The following NOL4 variants were observed in gnomAD, a reference collection of about 807,000 sequenced individuals.
NOL4 encodes the protein cancer/testis antigen 125.
Under a neutral mutation model 75.9 loss-of-function variants are expected in NOL4, and 17 were observed. That is an observed-to-expected ratio of 0.22 (90% CI 0.15 to 0.34). NOL4 has a LOEUF of 0.34. Among genes scored for constraint, NOL4 ranks in the 10% least tolerant of loss-of-function variants. NOL4 has a pLI of 1.00. For synonymous variants in NOL4, 292 were observed against 289.9 expected (o/e 1.01, Z -0.07); for missense variants, 614 against 793.5 (o/e 0.77, Z 2.72).
intron 10 of NOL4, among the ~76,000 whole-genome samples, chr18:33,875,197 C>G (rs1230432126): frequency 6.6e-6 from 1 of 151,950 alleles, no homozygotes; most frequent in East Asian, 1.9e-4. Flanking sequence ...ACTACAATTG[C>G]CCTCTTTAGA....
At chr18:34,190,929 A>C (rs1032963485) in intron 1 of NOL4, among the ~76,000 whole-genome samples, 1 of 152,202 alleles carries the variant, frequency 6.6e-6, no homozygotes, top group African/African-American at 2.4e-5. Flanking sequence ...ACATATTACA[A>C]AAATATTCTG....
At chr18:33,989,191 A>C (rs1229305693) in intron 6 of NOL4, among the ~76,000 whole-genome samples, 1 of 11,454 alleles carries the variant, frequency 8.7e-5, no homozygotes, top group East Asian at 3.5e-3. Context: ...CCATCTCTAC[A>C]AAAAAAAAAA....
rs576478265 is a variant in NOL4 at position 33,923,214 on chromosome 18, C to A, written c.1542+19851G>T. Reference sequence around the variant, plus strand: ...TGTCTTCCTTTCTTGATGTCTATTTCATAATGTCATAAGGTCATGATTTAG... The same window carrying A: ...TGTCTTCCTTTCTTGATGTCTATTTAATAATGTCATAAGGTCATGATTTAG... On this transcript the variant is annotated intron_variant, in intron 9 of 10. Coordinates refer to ENST00000261592, the MANE Select transcript of NOL4 (RefSeq NM_003787.5). Among the ~76,000 whole-genome samples the A allele has an allele frequency of 8.5e-5, 13 of 152,110 alleles. No homozygotes were observed. The South Asian group carries it at 2.7e-3, about 32-fold the overall frequency.
At chr18:34,149,131 T>C (rs1600727621) in intron 1 of NOL4, among the ~76,000 whole-genome samples, 1 of 151,756 alleles carries the variant, frequency 6.6e-6, no homozygotes, top group African/African-American at 2.4e-5. Context: ...CATTGTGTGA[T>C]AGAGCAGTAA....
chr18:34,079,460 C>G (rs1459110879), intron 5 of NOL4, among the ~76,000 whole-genome samples: 4 of 151,872 alleles, frequency 2.6e-5, no homozygotes, highest in Non-Finnish European at 5.9e-5. Context: ...GTGTAAGTAC[C>G]TAAATACCCC....
At chr18:33,990,527 T>C (rs1600169823) in intron 6 of NOL4, among the ~76,000 whole-genome samples, 1 of 152,014 alleles carries the variant, frequency 6.6e-6, no homozygotes, top group East Asian at 1.9e-4. Flanking sequence ...TTATACTGCA[T>C]GGTTGTCCAA....
intron 1 of NOL4, among the ~76,000 whole-genome samples, chr18:34,167,880 A>G (rs531342037): frequency 6.6e-6 from 1 of 152,132 alleles, no homozygotes; most frequent in South Asian, 2.1e-4. Flanking sequence ...GAGGGAAAGG[A>G]ATAATATAAA....
intron 6 of NOL4, among the ~76,000 whole-genome samples, chr18:33,974,604 T>A (rs952294509): frequency 6.6e-6 from 1 of 152,122 alleles, no homozygotes; most frequent in African/African-American, 2.4e-5. Flanking sequence ...TCACTGATCA[T>A]AGATCACAGT....
intron 5 of NOL4, among the ~76,000 whole-genome samples, chr18:34,083,047 G>A (rs1296445316): frequency 1.3e-5 from 2 of 152,154 alleles, no homozygotes; most frequent in Admixed American, 1.3e-4. Context: ...AAAAGTGATT[G>A]AGTGGAAATT....
chr18:33,874,098 G>A (rs1356496946), intron 10 of NOL4, among the ~76,000 whole-genome samples: 2 of 151,878 alleles, frequency 1.3e-5, no homozygotes, highest in Non-Finnish European at 2.9e-5. Context: ...GAAACTTAGG[G>A]GAAAGATTGG....
intron 9 of NOL4, among the ~76,000 whole-genome samples, chr18:33,889,448 T>C (rs2064967372): frequency 6.6e-6 from 1 of 152,136 alleles, no homozygotes; most frequent in South Asian, 2.1e-4. Flanking sequence ...GTAGGAATTC[T>C]ACCAGAGGTA....
chr18:34,201,295 T>G (rs534585269), intron 1 of NOL4, among the ~76,000 whole-genome samples: 2 of 151,804 alleles, frequency 1.3e-5, no homozygotes, highest in Admixed American at 6.6e-5. Context: ...TCCCATGAAG[T>G]AAGTACCATC....
At chr18:34,123,052 TA>T (rs1303796128) in intron 2 of NOL4, among the ~76,000 whole-genome samples, 4 of 151,648 alleles carry the variant, frequency 2.6e-5, no homozygotes, top group African/African-American at 9.7e-5. Context: ...TAATTTAATA[TA>T]AAAATTATTG....
intron 1 of NOL4, among the ~76,000 whole-genome samples, chr18:34,211,162 T>C (rs925063677): frequency 3.3e-5 from 5 of 152,110 alleles, no homozygotes; most frequent in African/African-American, 1.2e-4. Context: ...CCTCCTTTAA[T>C]AGGTAGTTCA....
intron 9 of NOL4, among the ~76,000 whole-genome samples, chr18:33,932,852 G>A (rs1568083747): frequency 6.6e-6 from 1 of 152,004 alleles, no homozygotes; most frequent in Non-Finnish European, 1.5e-5. Context: ...AATTATAAAA[G>A]AAAGGCTTGC....
rs543407665 is a variant in NOL4 at position 34,102,545 on chromosome 18, G to C, written c.639+1502C>G. 4.7e-4 allele frequency among the ~76,000 whole-genome samples: 71 copies of C among 152,096 alleles called. 1 individual carries two copies. Among genetic ancestry groups the C allele is most frequent in the African/African-American group, 1.6e-3 (67 of 41,546 alleles). ...TAGTATTTTCAAAATGTAAGGATAA[G>C]AGTTATTTTTCTAATCTAGTTATAA... On this transcript the variant is annotated intron_variant, in intron 4 of 10. Coordinates refer to ENST00000261592, the MANE Select transcript of NOL4 (RefSeq NM_003787.5).
chr18:34,036,290 T>A (rs1318104571), intron 5 of NOL4, among the ~76,000 whole-genome samples: 1 of 152,082 alleles, frequency 6.6e-6, no homozygotes, highest in Non-Finnish European at 1.5e-5. Context: ...AGATGAGATT[T>A]ATACCAGGGA....
At chr18:34,213,158 T>C (rs999735903) in intron 1 of NOL4, among the ~76,000 whole-genome samples, 18 of 152,150 alleles carry the variant, frequency 1.2e-4, no homozygotes, top group Admixed American at 6.5e-4. Flanking sequence ...AGGCATATGG[T>C]TATTGCCAGG....
chr18:34,008,305 T>C (rs146664076), intron 6 of NOL4, among the ~76,000 whole-genome samples: 162 of 152,060 alleles, frequency 1.1e-3, no homozygotes, highest in African/African-American at 3.5e-3. Context: ...CAGCAGATCA[T>C]TGAATTTCTT....
Sources: allele counts gnomAD v4.1 joint callset (sites outside exome capture counted in the v4.1 genomes callset), GRCh38; gene constraint gnomAD v4.1.1; transcripts MANE v1.5; gene names NCBI Gene and HGNC (gene_info 2026-07-23, HGNC 2026-07-21).